The following EXOC6 variants were observed in gnomAD, a reference collection of about 807,000 sequenced individuals.
EXOC6 encodes the protein exocyst complex component 6, also known as SEC15-like 1.
EXOC6 carries 60 observed loss-of-function variants against 112.5 expected under a neutral mutation model. The ratio of observed to expected loss-of-function variants is 0.53; its 90% CI spans 0.43 to 0.66. The LOEUF (loss-of-function observed/expected upper bound fraction) is 0.66, where lower values mean the gene tolerates loss of function less well. Among genes scored for constraint, EXOC6 ranks in the 30% least tolerant of loss-of-function variants. The pLI is 0.00. For synonymous variants in EXOC6, 295 were observed against 308.0 expected (o/e 0.96, Z 0.44); for missense variants, 855 against 957.1 (o/e 0.89, Z 1.41).
chr10:93,013,561 TG>T (rs1169776015), intron 19 of EXOC6, among the ~76,000 whole-genome samples: 1 of 152,138 alleles, frequency 6.6e-6, no homozygotes, highest in Admixed American at 6.5e-5. Context: ...TGAGCCGAGA[TG>T]GCGCCACTGC....
chr10:92,994,644 CTTTT>C (rs925356728), intron 18 of EXOC6, among the ~76,000 whole-genome samples: 1 of 151,780 alleles, frequency 6.6e-6, no homozygotes, highest in Admixed American at 6.6e-5. Flanking sequence ...ATTATTTTGG[CTTTT>C]TTTGTTAATG....
intron 1 of EXOC6, among the ~76,000 whole-genome samples, chr10:92,857,439 A>G (rs1387913490): frequency 6.6e-6 from 1 of 151,986 alleles, no homozygotes; most frequent in East Asian, 1.9e-4. Flanking sequence ...TTTGTCTTTT[A>G]AAGAAGCAGA....
intron 1 of EXOC6, among the ~76,000 whole-genome samples, chr10:92,882,993 G>A (rs1849039919): frequency 6.6e-6 from 1 of 152,186 alleles, no homozygotes; most frequent in South Asian, 2.1e-4. Context: ...GAAAACTGCT[G>A]ATAACTTTAT....
intron 20 of EXOC6, among the ~76,000 whole-genome samples, chr10:93,038,040 CAAAAAAAA>C (rs1156726278): frequency 1.1e-4 from 3 of 26,580 alleles, no homozygotes; most frequent in Non-Finnish European, 2.0e-4. Context: ...ACTCCGTCTC[CAAAAAAAA>C]AAAAAAAAAA....
In EXOC6 at chr10:93,007,288, ATTTT is replaced by A. The variant is rs58873245; in HGVS notation, c.2096-6896_2096-6893del. ...GAAGGGCCTGTTTTCCTACTCAAAA[ATTTT>A]TTTTTTTTTATATATACAAATAACT... On this transcript the variant is annotated intron_variant, in intron 19 of 21. Coordinates refer to ENST00000260762, the MANE Select transcript of EXOC6 (RefSeq NM_019053.6). 1.2e-3 allele frequency among the ~76,000 whole-genome samples: 181 copies of A among 150,304 alleles called. 1 individual carries two copies. The highest frequency in any genetic ancestry group is 6.8e-3 in the Middle Eastern group (2 of 292).
At chr10:92,930,155 A>T (rs1454414002) in intron 9 of EXOC6, among the ~76,000 whole-genome samples, 1 of 152,192 alleles carries the variant, frequency 6.6e-6, no homozygotes, top group Non-Finnish European at 1.5e-5. Context: ...TTACATGTGC[A>T]CATGGAAGAT....
chr10:92,893,877 G>T (rs1465252768), intron 2 of EXOC6, among the ~76,000 whole-genome samples: 1 of 152,108 alleles, frequency 6.6e-6, no homozygotes, highest in Middle Eastern at 3.2e-3. Flanking sequence ...AAAAGCTTAT[G>T]ATAAATAGTT....
intron 1 of EXOC6, among the ~76,000 whole-genome samples, chr10:92,860,265 CTTTTTTT>C (rs35900396): frequency 4.7e-4 from 41 of 88,026 alleles, no homozygotes; most frequent in African/African-American, 1.1e-3. Flanking sequence ...ATCTCCACAA[CTTTTTTT>C]TTTTTTTTTT....
intron 20 of EXOC6, among the ~76,000 whole-genome samples, chr10:93,055,990 A>G (rs896716712): frequency 2.0e-5 from 3 of 152,314 alleles, no homozygotes; most frequent in African/African-American, 7.2e-5. Context: ...CCTCCATTTG[A>G]AAGCAAAACC....
intron 17 of EXOC6, among the ~76,000 whole-genome samples, chr10:92,967,069 T>G (rs907328177): frequency 6.6e-6 from 1 of 151,620 alleles, no homozygotes; most frequent in Non-Finnish European, 1.5e-5. Flanking sequence ...ATGTGTCTTT[T>G]GGCTGCATAA....
chr10:92,997,747 AGGAG>A, intron 19 of EXOC6, 132 bp downstream of exon 19: 1 of 647,356 alleles, frequency 1.5e-6, no homozygotes, highest in Non-Finnish European at 2.3e-6. Context: ...TAGCAGCCTT[AGGAG>A]TAGGGCTAAC....
chr10:92,907,271 A>G (rs1259584563), intron 5 of EXOC6, among the ~76,000 whole-genome samples: 3 of 152,182 alleles, frequency 2.0e-5, no homozygotes, highest in African/African-American at 7.2e-5. Flanking sequence ...GGGAGGTTGT[A>G]TATGTTATTG....
chr10:92,914,608 G>A (rs1197724539), intron 6 of EXOC6, among the ~76,000 whole-genome samples: 1 of 152,162 alleles, frequency 6.6e-6, no homozygotes, highest in Non-Finnish European at 1.5e-5. Flanking sequence ...GGGCACAGAG[G>A]GAAAGGGAAT....
At chr10:93,001,701 T>G (rs1590015442) in intron 19 of EXOC6, among the ~76,000 whole-genome samples, 1 of 152,198 alleles carries the variant, frequency 6.6e-6, no homozygotes, top group East Asian at 1.9e-4. Context: ...ATTTTTCTCC[T>G]CAGTTGGGCA....
chr10:92,948,426 T>A (rs1853168529), intron 14 of EXOC6, 47 bp downstream of exon 14: 1 of 1,127,116 alleles, frequency 8.9e-7, no homozygotes, highest in African/African-American at 1.6e-5. Flanking sequence ...AATAAATTCA[T>A]AGTATTTGTT....
intron 19 of EXOC6, 101 bp downstream of exon 19, chr10:92,997,716 G>T: frequency 9.4e-7 from 1 of 1,069,124 alleles, no homozygotes; most frequent in Non-Finnish European, 1.3e-6. Flanking sequence ...GGAGGGAGAA[G>T]GCCTGGTTCA....
chr10:92,973,999 A>G (rs1471304726), intron 17 of EXOC6, 54 bp from the exon 18 acceptor site: 1 of 1,324,174 alleles, frequency 7.6e-7, no homozygotes, highest in African/African-American at 1.5e-5. Flanking sequence ...AATTGTAAGA[A>G]CACTTGTTTT....
At chr10:92,873,799 C>A (rs981010815) in intron 1 of EXOC6, among the ~76,000 whole-genome samples, 2 of 151,964 alleles carry the variant, frequency 1.3e-5, no homozygotes, top group African/African-American at 4.8e-5. Context: ...GCCTGTAATA[C>A]CAGCACTTTG....
chr10:92,991,883 A>G (rs1843279170), intron 18 of EXOC6, among the ~76,000 whole-genome samples: 1 of 152,140 alleles, frequency 6.6e-6, no homozygotes, highest in Non-Finnish European at 1.5e-5. Flanking sequence ...GGATTGTGGT[A>G]AACTGATGTG....
Sources: gnomAD v4.1 joint callset for allele counts (sites outside exome capture counted in the v4.1 genomes callset) on GRCh38, gnomAD v4.1.1 for gene constraint, MANE v1.5 for transcripts, NCBI Gene and HGNC (gene_info 2026-07-23, HGNC 2026-07-21) for gene names.